Variants in TIAM1 observed in about 807,000 individuals in gnomAD.
The protein encoded by TIAM1 is rho guanine nucleotide exchange factor TIAM1.
A neutral mutation model predicts 163.5 loss-of-function variants in TIAM1; 65 were observed. The observed-to-expected ratio is 0.40, with a 90% CI of 0.33 to 0.49. The LOEUF (loss-of-function observed/expected upper bound fraction) is 0.49, where lower values mean the gene tolerates loss of function less well. Among genes scored for constraint, TIAM1 ranks in the 20% least tolerant of loss-of-function variants. The probability of loss-of-function intolerance (pLI) is 0.77; values close to 1 mark genes in which losing one functional copy is unlikely to be tolerated. For synonymous variants in TIAM1, 833 were observed against 810.1 expected (o/e 1.03, Z -0.48); for missense variants, 1,789 against 2,044.7 (o/e 0.87, Z 2.41).
intron 2 of TIAM1, among the ~76,000 whole-genome samples, chr21:31,287,957 G>C (rs1402406304): frequency 6.6e-6 from 1 of 152,156 alleles, no homozygotes; most frequent in Non-Finnish European, 1.5e-5. Flanking sequence ...TAGTGAGAAT[G>C]ACAGGTAGGA....
chr21:31,248,649 T>A (rs1381009350), intron 5 of TIAM1, among the ~76,000 whole-genome samples: 1 of 152,234 alleles, frequency 6.6e-6, no homozygotes, highest in Admixed American at 6.5e-5. Flanking sequence ...GTTCTGCTTT[T>A]TATTTCCCAA....
chr21:31,266,863 C>T lies in TIAM1; in HGVS notation c.110G>A (p.Arg37Gln), dbSNP rs768301191. Residue 37 changes from arginine to glutamine, a missense_variant, in exon 4 of 28, where the codon CGG becomes CAG. Transcript: ENST00000541036. ...SRSLRLSHKT[R>Q]RTRHASSGKV... ...CCCCGAGGAAGCGTGCCTGGTCCTC[C>T]GCGTCTTGTGCGAGAGGCGCAGGGA... The T allele has an allele frequency of 7.4e-6, 12 of 1,614,006 alleles. No homozygotes were observed. The highest frequency in any genetic ancestry group is 1.6e-4 in the Middle Eastern group (1 of 6,082).
rs181179908 is a variant in TIAM1 at position 31,203,111 on chromosome 21, G to C, written c.2389-99C>G. ...ATACGATGTATTCCTATGACCAATA[G>C]AGTTTGTTGTTGTTGTTGTTGTTGT... On this transcript the variant is annotated intron_variant, in intron 11 of 27. Coordinates refer to ENST00000541036, the MANE Select transcript of TIAM1 (RefSeq NM_001353694.2). The C allele has an allele frequency of 1.2e-5, 12 of 1,009,824 alleles. No homozygotes were observed. The Admixed American group carries it at 1.7e-4, about 15-fold the overall frequency. The allele number at this position is 1,009,824 out of a possible 1,614,324, so 62.6% of individuals were successfully genotyped here. A position where few individuals can be genotyped will look rare whatever the true frequency, so the allele number is the denominator to read the frequency against.
intron 2 of TIAM1, among the ~76,000 whole-genome samples, chr21:31,298,784 G>GA (rs1197267120): frequency 1.4e-5 from 2 of 139,504 alleles, no homozygotes; most frequent in East Asian, 2.1e-4. Flanking sequence ...CAGAGAGAGA[G>GA]AGAAAAAAAA....
At chr21:31,158,308 T>C (rs1170517212) in intron 16 of TIAM1, among the ~76,000 whole-genome samples, 1 of 152,182 alleles carries the variant, frequency 6.6e-6, no homozygotes, top group Non-Finnish European at 1.5e-5. Context: ...GGGTCCTCTT[T>C]GGACATTTCA....
intron 1 of TIAM1, among the ~76,000 whole-genome samples, chr21:31,557,532 A>C (rs2048921845): frequency 1.3e-5 from 2 of 152,160 alleles, no homozygotes. Flanking sequence ...CCAGCTTGTG[A>C]GTGACACCGA....
At chr21:31,345,478 A>T (rs2076131287), upstream of TIAM1, among the ~76,000 whole-genome samples, 1 of 147,378 alleles carries the variant, frequency 6.8e-6, no homozygotes, top group Admixed American at 6.8e-5. Flanking sequence ...ATATATATCC[A>T]CACGGATTCA....
intron 1 of TIAM1, among the ~76,000 whole-genome samples, chr21:31,548,777 C>T (rs562927764): frequency 2.0e-5 from 3 of 152,250 alleles, no homozygotes; most frequent in Non-Finnish European, 2.9e-5. Flanking sequence ...GCATGAGCCA[C>T]CGTGCCAGGC....
chr21:31,280,896 C>T (rs192970983), intron 2 of TIAM1, among the ~76,000 whole-genome samples: 2 of 151,656 alleles, frequency 1.3e-5, no homozygotes, highest in East Asian at 3.9e-4. Context: ...GGGAGGATGG[C>T]TTGAGGACAG....
At chr21:31,490,533 TTC>T (rs1248799572) in intron 1 of TIAM1, among the ~76,000 whole-genome samples, 1 of 152,146 alleles carries the variant, frequency 6.6e-6, no homozygotes, top group African/African-American at 2.4e-5. Context: ...TCCAAGTTCA[TTC>T]TCAGGCCAGG....
At chr21:31,419,407 G>A (rs2833403) in intron 2 of TIAM1, among the ~76,000 whole-genome samples, 18,943 of 152,126 alleles carry the variant, frequency 0.12, 1,790 homozygotes, top group African/African-American at 0.26. Context: ...ATCTATTCAA[G>A]GAACAGAAGA....
chr21:31,217,412 T>C (rs2087281432), intron 9 of TIAM1, 141 bp downstream of exon 9: 1 of 1,160,198 alleles, frequency 8.6e-7, no homozygotes, highest in African/African-American at 1.5e-5. Flanking sequence ...ATTAAAAGTG[T>C]CTAGCACAGC....
rs529234281 is a variant in TIAM1, at chr21:31,350,027, A to G, written c.-368-10605T>C. ...TGTTTCTTAAACGATCTTAGCATTT[A>G]TAATGTTCTCAATGTTTTCACATTG... On this transcript the variant is annotated intron_variant, in intron 2 of 28. Coordinates refer to the TIAM1 transcript ENST00000286827. 3.9e-5 allele frequency among the ~76,000 whole-genome samples: 6 copies of G among 152,370 alleles called. No homozygotes were observed. In the South Asian group the frequency reaches 1.2e-3, roughly 32 times the overall value.
chr21:31,461,859 GTC>G (rs2045341192), intron 2 of TIAM1, among the ~76,000 whole-genome samples: 1 of 152,064 alleles, frequency 6.6e-6, no homozygotes, highest in Admixed American at 6.6e-5. Flanking sequence ...TAGAGACGGG[GTC>G]TCTCCGTGTT....
At chr21:31,535,954 C>T (rs944045401) in intron 1 of TIAM1, among the ~76,000 whole-genome samples, 2 of 152,154 alleles carry the variant, frequency 1.3e-5, no homozygotes, top group African/African-American at 4.8e-5. Context: ...AGAGGCACGC[C>T]AACAGATGAA....
intron 1 of TIAM1, among the ~76,000 whole-genome samples, chr21:31,484,646 T>A (rs1377991941): frequency 1.3e-5 from 2 of 152,192 alleles, no homozygotes; most frequent in Non-Finnish European, 2.9e-5. Flanking sequence ...CACAGCACTG[T>A]GCATCCTGTA....
At chr21:31,512,292 C>A (rs1452919918) in intron 1 of TIAM1, among the ~76,000 whole-genome samples, 1 of 151,614 alleles carries the variant, frequency 6.6e-6, no homozygotes, top group Non-Finnish European at 1.5e-5. Flanking sequence ...AGAGGTGGGG[C>A]CTCCCCTGTG....
At chr21:31,201,737 G>A (rs2086211893) in intron 12 of TIAM1, among the ~76,000 whole-genome samples, 1 of 152,186 alleles carries the variant, frequency 6.6e-6, no homozygotes, top group Non-Finnish European at 1.5e-5. Context: ...TGAAGTCACT[G>A]TTATTCACAC....
At chr21:31,121,360 A>G (rs79292188) in intron 27 of TIAM1, among the ~76,000 whole-genome samples, 1 of 152,300 alleles carries the variant, frequency 6.6e-6, no homozygotes, top group Non-Finnish European at 1.5e-5. Flanking sequence ...CTGTCTTTGT[A>G]GAATGTGCAT....
Sources: gnomAD v4.1 joint callset for allele counts (sites outside exome capture counted in the v4.1 genomes callset) on GRCh38, gnomAD v4.1.1 for gene constraint, MANE v1.5 for transcripts, NCBI Gene and HGNC (gene_info 2026-07-23, HGNC 2026-07-21) for gene names.